CAMK1D: variants seen among roughly 807,000 people sequenced by gnomAD.
CAMK1D encodes the protein calcium/calmodulin dependent protein kinase ID.
Under a neutral mutation model 47.7 loss-of-function variants are expected in CAMK1D, and 9 were observed. That is an observed-to-expected ratio of 0.19 (90% CI 0.11 to 0.33). CAMK1D has a LOEUF of 0.33. Among genes scored for constraint, CAMK1D ranks in the 10% least tolerant of loss-of-function variants. CAMK1D has a pLI of 1.00. For missense variants in CAMK1D, 291 were observed against 488.7 expected, an observed-to-expected ratio of 0.60 and a Z score of 3.81; for synonymous variants, 184 against 184.9, an observed-to-expected ratio of 0.99 and a Z score of 0.04.
intron 1 of CAMK1D, among the ~76,000 whole-genome samples, chr10:12,507,851 T>G (rs1448501510): frequency 1.3e-5 from 2 of 152,194 alleles, no homozygotes; most frequent in Admixed American, 6.5e-5. Context: ...CTTGCTTCTT[T>G]CCTGTGTCTG....
At chr10:12,793,626 G>C (rs1272978320) in intron 6 of CAMK1D, among the ~76,000 whole-genome samples, 1 of 152,226 alleles carries the variant, frequency 6.6e-6, no homozygotes, top group African/African-American at 2.4e-5. Flanking sequence ...CTTGCAGACA[G>C]CCACCTTCTT....
At chr10:12,505,528 C>T (rs1834843370) in intron 1 of CAMK1D, among the ~76,000 whole-genome samples, 1 of 152,138 alleles carries the variant, frequency 6.6e-6, no homozygotes, top group East Asian at 1.9e-4. Context: ...GGGTTCTTTC[C>T]TGGGCTGTTG....
At chr10:12,722,424 G>T (rs954945774) in intron 3 of CAMK1D, among the ~76,000 whole-genome samples, 1 of 96,264 alleles carries the variant, frequency 1.0e-5, no homozygotes, top group Non-Finnish European at 1.9e-5. Context: ...TCCAGCCTGG[G>T]CAACAAAGTG....
At chr10:12,556,400 G>T (rs935912625) in intron 2 of CAMK1D, among the ~76,000 whole-genome samples, 2 of 152,214 alleles carry the variant, frequency 1.3e-5, no homozygotes, top group Non-Finnish European at 2.9e-5. Flanking sequence ...CTAAGTACGT[G>T]CAGTGGCATT....
At chr10:12,673,175 G>A (rs892007424) in intron 3 of CAMK1D, among the ~76,000 whole-genome samples, 1 of 152,034 alleles carries the variant, frequency 6.6e-6, no homozygotes, top group Non-Finnish European at 1.5e-5. Flanking sequence ...GTGAGCCACC[G>A]TGCCCGGCTG....
At chr10:12,452,234 A>C (rs934245945) in intron 1 of CAMK1D, among the ~76,000 whole-genome samples, 2 of 152,176 alleles carry the variant, frequency 1.3e-5, no homozygotes, top group South Asian at 4.1e-4. Context: ...GGTTCTTAAA[A>C]AAATGGTAAT....
intron 1 of CAMK1D, among the ~76,000 whole-genome samples, chr10:12,491,126 G>GGAGGGTTA: frequency 6.6e-6 from 1 of 151,506 alleles, no homozygotes; most frequent in Non-Finnish European, 1.5e-5. Flanking sequence ...GGTTGTAACT[G>GGAGGGTTA]CATCACTGGA....
chr10:12,554,163 C>T (rs1836685207), intron 2 of CAMK1D, among the ~76,000 whole-genome samples: 1 of 150,988 alleles, frequency 6.6e-6, no homozygotes, highest in African/African-American at 2.4e-5. Context: ...CCCCTCTCCT[C>T]TCCTTTCCTT....
chr10:12,557,755 A>G (rs946551147), intron 2 of CAMK1D, among the ~76,000 whole-genome samples: 1 of 151,658 alleles, frequency 6.6e-6, no homozygotes, highest in African/African-American at 2.4e-5. Flanking sequence ...TTTCCACGCT[A>G]TTTTCCATGG....
At chr10:12,605,542 C>T (rs1281854155) in intron 2 of CAMK1D, among the ~76,000 whole-genome samples, 4 of 152,260 alleles carry the variant, frequency 2.6e-5, no homozygotes, top group African/African-American at 4.8e-5. Flanking sequence ...CTCTGACCCT[C>T]GGTGGCTCTT....
At chr10:12,434,436 C>T (rs1311934316) in intron 1 of CAMK1D, among the ~76,000 whole-genome samples, 1 of 152,126 alleles carries the variant, frequency 6.6e-6, no homozygotes. Flanking sequence ...ATGAGATGCC[C>T]ACTACCCTAG....
At chr10:12,670,055 A>G (rs1448426355) in intron 3 of CAMK1D, among the ~76,000 whole-genome samples, 1 of 151,254 alleles carries the variant, frequency 6.6e-6, no homozygotes, top group African/African-American at 2.4e-5. Context: ...TGAATGGGTC[A>G]TATGGTAGAT....
At chr10:12,585,001 C>A (rs1022299978) in intron 2 of CAMK1D, among the ~76,000 whole-genome samples, 17 of 152,140 alleles carry the variant, frequency 1.1e-4, no homozygotes, top group Admixed American at 6.6e-5. Flanking sequence ...ATTTAAAAGA[C>A]TACCAGGAAC....
At chr10:12,676,881 C>T (rs1250841474) in intron 3 of CAMK1D, among the ~76,000 whole-genome samples, 1 of 152,166 alleles carries the variant, frequency 6.6e-6, no homozygotes, top group African/African-American at 2.4e-5. Context: ...GTTTACTCAG[C>T]AGTATCACAG....
intron 8 of CAMK1D, among the ~76,000 whole-genome samples, chr10:12,816,581 A>G (rs1832803687): frequency 6.6e-6 from 1 of 152,082 alleles, no homozygotes; most frequent in South Asian, 2.1e-4. Flanking sequence ...TGATAAAGAC[A>G]TACCAGAGGC....
At position 12,442,868 on chromosome 10, in the gene CAMK1D, G is replaced by A. The variant is rs543933014; in HGVS notation, c.92+92958G>A. On this transcript the variant is annotated intron_variant, in intron 1 of 10. Transcript: ENST00000619168. ...GTTAGATGTGAGTATATTTGGAAACGTCCAAAATTTAACCATGACAAGAGA... is the reference window on the plus strand; with the variant it reads ...GTTAGATGTGAGTATATTTGGAAACATCCAAAATTTAACCATGACAAGAGA... Among the ~76,000 whole-genome samples, 9 of 152,260 alleles carry A rather than the reference G, an allele frequency of 5.9e-5. No homozygotes were observed. The East Asian group carries it at 7.7e-4, about 13-fold the overall frequency.
At chr10:12,570,854 A>C (rs1443616074) in intron 2 of CAMK1D, among the ~76,000 whole-genome samples, 2 of 152,078 alleles carry the variant, frequency 1.3e-5, no homozygotes, top group South Asian at 2.1e-4. Flanking sequence ...CAGGAGGCTG[A>C]GAGAGGAGAA....
At chr10:12,610,970 C>T (rs1490763546) in intron 2 of CAMK1D, among the ~76,000 whole-genome samples, 1 of 152,140 alleles carries the variant, frequency 6.6e-6, no homozygotes, top group East Asian at 1.9e-4. Flanking sequence ...ACTTACATAG[C>T]CCTCAGTATA....
intron 6 of CAMK1D, among the ~76,000 whole-genome samples, chr10:12,800,713 G>A (rs963536937): frequency 6.6e-6 from 1 of 152,150 alleles, no homozygotes. Context: ...TTGAGCAGGC[G>A]TTCTCAGGAA....
Sources: allele counts gnomAD v4.1 joint callset (sites outside exome capture counted in the v4.1 genomes callset), GRCh38; gene constraint gnomAD v4.1.1; transcripts MANE v1.5; gene names NCBI Gene and HGNC (gene_info 2026-07-23, HGNC 2026-07-21).